CASZ1: variants seen among roughly 807,000 people sequenced by gnomAD.
The protein encoded by CASZ1 is zinc finger protein castor homolog 1.
CASZ1 carries 28 observed loss-of-function variants against 135.2 expected under a neutral mutation model. The ratio of observed to expected loss-of-function variants is 0.21; its 90% confidence interval spans 0.15 to 0.28. CASZ1 has a LOEUF of 0.28. CASZ1 is among the 10% of genes least tolerant of loss of function. The probability of loss-of-function intolerance (pLI) is 1.00; values close to 1 mark genes in which losing one functional copy is unlikely to be tolerated. For synonymous variants in CASZ1, 1,068 were observed against 1,073.4 expected (o/e 0.99, Z 0.10); for missense variants, 2,161 against 2,453.3 (o/e 0.88, Z 2.52).
At position 10,639,494 on chromosome 1, in the gene CASZ1, C is replaced by T; in HGVS notation, c.4728G>A (p.Pro1576=). 3 of 1,611,136 alleles carry T rather than the reference C, an allele frequency of 1.9e-6. No homozygotes were observed. Among genetic ancestry groups the T allele is most frequent in the East Asian group, 4.5e-5 (2 of 44,802 alleles). ...LKCSHFHCTF[P]GCRHTVVGMS... is the part of the protein sequence containing the mutation. ...TGCCCACCACCGTGTGGCGGCAGCC[C>T]GGGAAGGTGCAGTGGAAGTGCGAGC... is the stretch of plus-strand genomic sequence containing the variant. The change falls in exon 21 of 21, where the codon CCG becomes CCA. Residue 1576 remains proline, a synonymous_variant. Coordinates refer to ENST00000377022, the MANE Select transcript of CASZ1 (RefSeq NM_001079843.3). This position sits in a 1 kb window ranked among gnomAD's most constrained non-coding sequence, Gnocchi z 4.0.
rs2073017 is a variant in CASZ1, at chr1:10,762,751, T to C, written c.-233-1894A>G. Among the ~76,000 whole-genome samples, 85,956 of 152,000 alleles carry C rather than the reference T, an allele frequency of 0.57. 28,937 individuals carry two copies. The highest frequency in any genetic ancestry group is 0.78 in the Non-Finnish European group (52,737 of 67,968). ...CATGTACATTCCCCAGAAAAAAGGT[T>C]AAGGGAAACACATCTACCTCCCCAA... On this transcript the variant is annotated intron_variant, in intron 1 of 20. Coordinates refer to ENST00000377022, the MANE Select transcript of CASZ1 (RefSeq NM_001079843.3). This position sits in a 1 kb window ranked among gnomAD's most constrained non-coding sequence, Gnocchi z 4.1.
intron 2 of CASZ1, among the ~76,000 whole-genome samples, chr1:10,714,531 C>A (rs1180646810): frequency 6.6e-6 from 1 of 152,210 alleles, no homozygotes; most frequent in Non-Finnish European, 1.5e-5. Context: ...GGAGTGGCCA[C>A]TGGTGCTGAC....
rs552153879 is a variant in CASZ1, at chr1:10,742,647, G to A, written c.-77+18054C>T. Among the ~76,000 whole-genome samples, 7 of 152,288 alleles carry A rather than the reference G, an allele frequency of 4.6e-5. No homozygotes were observed. The East Asian group carries it at 1.2e-3, about 25-fold the overall frequency. On this transcript the variant is annotated intron_variant, in intron 2 of 20. Coordinates refer to ENST00000377022, the MANE Select transcript of CASZ1 (RefSeq NM_001079843.3). ...GTCAGGGTCAAGCCCTTATCTGAGC[G>A]CATTGAAAGGAAGGAGAGGAAGGGG... is the stretch of plus-strand genomic sequence containing the variant.
intron 4 of CASZ1, among the ~76,000 whole-genome samples, chr1:10,687,187 A>C (rs1638620642): frequency 6.6e-6 from 1 of 151,988 alleles, no homozygotes; most frequent in African/African-American, 2.4e-5. Context: ...AGTCCCTCCC[A>C]AGGCCCCCTT....
intron 6 of CASZ1, 87 bp from the exon 7 acceptor site, chr1:10,658,663 AGGCC>A: frequency 1.7e-6 from 2 of 1,182,896 alleles, no homozygotes; most frequent in Non-Finnish European, 2.5e-6. Flanking sequence ...CCCTGCCCTG[AGGCC>A]CCAGCCCCTC....
chr1:10,679,964 C>T lies in CASZ1; in HGVS notation c.16+13910G>A, dbSNP rs1638359300. ...GCCAAGTGAGGGAGGAAGGCTGAGC[C>T]CCTTGGCCCTTAGGGGACTCCTGGC... is the stretch of plus-strand genomic sequence containing the variant. On this transcript the variant is annotated intron_variant, in intron 4 of 20. Coordinates refer to ENST00000377022, the MANE Select transcript of CASZ1 (RefSeq NM_001079843.3). This position sits in a 1 kb window ranked among gnomAD's most constrained non-coding sequence, Gnocchi z 4.7. Among the ~76,000 whole-genome samples the T allele has an allele frequency of 6.6e-6, 1 of 152,154 alleles. No individual in the cohort carries two copies. Among genetic ancestry groups the T allele is most frequent in the Admixed American group, 6.5e-5 (1 of 15,280 alleles).
chr1:10,670,993 T>C (rs1643380449), intron 4 of CASZ1, among the ~76,000 whole-genome samples: 1 of 152,236 alleles, frequency 6.6e-6, no homozygotes, highest in Non-Finnish European at 1.5e-5. Flanking sequence ...CCCGAGGGGT[T>C]CAGCCGGGTC....
rs1638890176 is a variant in CASZ1, at chr1:10,694,835, G to A, written c.-23-923C>T. Reference sequence around the variant, plus strand: ...GGCGGGAGGGGACCCGGCGCGGGGCGGGGAACGCGGCCCGAGTAAGGCGCC... The same window carrying A: ...GGCGGGAGGGGACCCGGCGCGGGGCAGGGAACGCGGCCCGAGTAAGGCGCC... On this transcript the variant is annotated intron_variant, in intron 3 of 20. Transcript: ENST00000377022. The surrounding 1 kb of genome is among the most constrained non-coding windows in gnomAD (Gnocchi z 6.6). Among the ~76,000 whole-genome samples, 1 of 144,902 alleles carries A rather than the reference G, an allele frequency of 6.9e-6. No individual in the cohort carries two copies. The highest frequency in any genetic ancestry group is 2.1e-4 in the South Asian group (1 of 4,766).
chr1:10,746,916 T>C (rs1270055706), intron 2 of CASZ1, among the ~76,000 whole-genome samples: 1 of 152,178 alleles, frequency 6.6e-6, no homozygotes, highest in Non-Finnish European at 1.5e-5. Flanking sequence ...CCAGGAGCCG[T>C]TTTCCAGGCT....
chr1:10,670,549 TACCGTGTACAG>T (rs1643367651), intron 4 of CASZ1, among the ~76,000 whole-genome samples: 1 of 152,178 alleles, frequency 6.6e-6, no homozygotes, highest in South Asian at 2.1e-4. Flanking sequence ...CTCTCTTGAG[TACCGTGTACAG>T]ACCAGACCCT....
At chr1:10,702,964 GA>G (rs1279975761) in intron 3 of CASZ1, among the ~76,000 whole-genome samples, 3 of 145,544 alleles carry the variant, frequency 2.1e-5, no homozygotes, top group African/African-American at 7.5e-5. Flanking sequence ...GGGAGAGGCA[GA>G]GAGAGAGAGA....
chr1:10,713,043 C>A (rs1324388873), intron 2 of CASZ1, among the ~76,000 whole-genome samples: 1 of 152,262 alleles, frequency 6.6e-6, no homozygotes, highest in African/African-American at 2.4e-5. Context: ...CGCCCTCCTG[C>A]CTGTTCCAGA....
At chr1:10,764,219 C>A (rs1283485648) in intron 1 of CASZ1, among the ~76,000 whole-genome samples, 1 of 152,194 alleles carries the variant, frequency 6.6e-6, no homozygotes, top group Non-Finnish European at 1.5e-5. Context: ...TCAATCTGTG[C>A]CTTGGTCTCT....
Position 10,646,943 on chromosome 1 carries a change from G to T in CASZ1, c.3498-617C>A, listed in dbSNP as rs1230650408. On this transcript the variant is annotated intron_variant, in intron 16 of 20. Transcript: ENST00000377022. This position sits in a 1 kb window ranked among gnomAD's most constrained non-coding sequence, Gnocchi z 6.4. The stretch of plus-strand genomic sequence containing the variant: ...GCTGCTGGGGCAGAGCGGGTGTGCT[G>T]GCCTGCCCTAGGCCGCCTCCAGGAT... 2.0e-5 allele frequency among the ~76,000 whole-genome samples: 3 copies of T among 152,180 alleles called. No individual in the cohort carries two copies. In the East Asian group the frequency reaches 5.8e-4, roughly 29 times the overall value.
At chr1:10,766,838 T>C (rs1640486308) in intron 1 of CASZ1, among the ~76,000 whole-genome samples, 1 of 151,866 alleles carries the variant, frequency 6.6e-6, no homozygotes, top group Admixed American at 6.6e-5. Flanking sequence ...AACTGGCGAG[T>C]GGAGGGTTGA....
chr1:10,670,013 T>C (rs1423951035), intron 4 of CASZ1, among the ~76,000 whole-genome samples: 2 of 152,130 alleles, frequency 1.3e-5, no homozygotes, highest in South Asian at 2.1e-4. Flanking sequence ...GGATGCAGTA[T>C]CCCCTTTGGG....
At chr1:10,729,017 C>T (rs371999712) in intron 2 of CASZ1, among the ~76,000 whole-genome samples, 5 of 151,622 alleles carry the variant, frequency 3.3e-5, no homozygotes, top group South Asian at 4.2e-4. Context: ...TCACGGTGCC[C>T]GGACCGAGGG....
chr1:10,680,303 T>C (rs138231378), intron 4 of CASZ1, among the ~76,000 whole-genome samples: 6,491 of 128,870 alleles, frequency 0.05, 552 homozygotes, highest in African/African-American at 0.17. Context: ...GGGAGGGGGG[T>C]GCGAGGCCGG....
chr1:10,661,668 G>C (rs555610256), intron 5 of CASZ1, among the ~76,000 whole-genome samples: 1 of 137,108 alleles, frequency 7.3e-6, no homozygotes, highest in Non-Finnish European at 1.6e-5. Flanking sequence ...ACATTCACAC[G>C]ATCACATACA....
Sources: gnomAD v4.1 joint callset for allele counts (sites outside exome capture counted in the v4.1 genomes callset) on GRCh38, gnomAD v4.1.1 for gene constraint, Gnocchi (gnomAD v3.1) non-coding constraint, MANE v1.5 for transcripts, NCBI Gene and HGNC (gene_info 2026-07-23, HGNC 2026-07-21) for gene names.